The following PCDHA4 variants were observed in gnomAD, a reference collection of about 807,000 sequenced individuals.
PCDHA4 encodes the protein protocadherin alpha-4.
PCDHA4 carries 49 observed loss-of-function variants against 61.4 expected under a neutral mutation model. That is an observed-to-expected ratio of 0.80 (90% CI 0.63 to 1.01). The LOEUF is 1.01. PCDHA4 is among the 50% of genes least tolerant of loss of function. PCDHA4 has a pLI of 0.00. For missense variants in PCDHA4, 1,254 were observed against 1,235.8 expected (o/e 1.01, Z -0.22); for synonymous variants, 590 against 550.3 (o/e 1.07, Z -1.01).
rs377697994 is a variant in PCDHA4, at chr5:140,808,073, G to A, written c.886G>A (p.Asp296Asn). Reference protein sequence around the residue: ...SPNVKSKFHIDPITGQIIVKG... With the variant: ...SPNVKSKFHINPITGQIIVKG... ...AAATGTGAAATCCAAGTTTCACATA[G>A]ATCCAATTACTGGACAAATTATTGT... Residue 296 changes from aspartate (D) to asparagine (N), a missense_variant, in exon 1 of 4, where the codon GAT becomes AAT. Coordinates refer to ENST00000530339, the MANE Select transcript of PCDHA4 (RefSeq NM_018907.4). The A allele has an allele frequency of 5.0e-6, 8 of 1,613,782 alleles. No individual in the cohort carries two copies. The African/African-American group carries it at 1.1e-4, about 22-fold the overall frequency.
At chr5:140,968,124 G>T (rs202202452) in intron 1 of PCDHA4, 1 of 1,614,126 alleles carries the variant, frequency 6.2e-7, no homozygotes, top group Non-Finnish European at 8.5e-7. Flanking sequence ...ACATCCCTGC[G>T]TACACTGAAG....
At chr5:140,938,190 C>T (rs2091964057) in intron 1 of PCDHA4, among the ~76,000 whole-genome samples, 1 of 152,212 alleles carries the variant, frequency 6.6e-6, no homozygotes. Flanking sequence ...AAGCAATCCT[C>T]CCACGCCAGC....
chr5:140,923,527 C>T (rs2081405445), intron 1 of PCDHA4, among the ~76,000 whole-genome samples: 1 of 151,652 alleles, frequency 6.6e-6, no homozygotes, highest in South Asian at 2.1e-4. Context: ...AGATTCTGTC[C>T]CAAAAAAAGG....
At chr5:140,823,014 C>T (rs1767511912) in intron 1 of PCDHA4, 13 of 1,614,242 alleles carry the variant, frequency 8.1e-6, no homozygotes, top group Non-Finnish European at 1.1e-5. Context: ...GCGCCCTGGA[C>T]CGCGAGAGCG....
At chr5:140,976,011 C>A (rs983997714) in intron 1 of PCDHA4, among the ~76,000 whole-genome samples, 10 of 152,230 alleles carry the variant, frequency 6.6e-5, no homozygotes, top group Admixed American at 1.3e-4. Flanking sequence ...TATTAAAGAA[C>A]TAAATAATCA....
At chr5:140,838,073 ATATAGTGTGT>A (rs1415475897) in intron 1 of PCDHA4, among the ~76,000 whole-genome samples, 44 of 126,826 alleles carry the variant, frequency 3.5e-4, no homozygotes, top group Admixed American at 1.0e-3. Context: ...AGTTATATAT[ATATAGTGTGT>A]GTGTGTGTGT....
intron 2 of PCDHA4, among the ~76,000 whole-genome samples, chr5:140,980,460 T>G (rs1554241839): frequency 6.6e-6 from 1 of 152,134 alleles, no homozygotes; most frequent in Non-Finnish European, 1.5e-5. Flanking sequence ...TGAAACCCTG[T>G]CTCTACTAAA....
chr5:140,960,848 A>G (rs2095575135), intron 1 of PCDHA4, among the ~76,000 whole-genome samples: 1 of 152,212 alleles, frequency 6.6e-6, no homozygotes, highest in Non-Finnish European at 1.5e-5. Context: ...GTTTAATGGC[A>G]ACTATAAGCC....
chr5:140,843,565 G>T, intron 1 of PCDHA4: 1 of 1,595,918 alleles, frequency 6.3e-7, no homozygotes, highest in South Asian at 1.1e-5. Flanking sequence ...TGGGGAGCTG[G>T]TCATACTCGC....
chr5:140,928,258 G>A lies in PCDHA4; in HGVS notation c.2386-50691G>A, dbSNP rs782503341. 15 of 1,614,094 alleles carry A rather than the reference G, an allele frequency of 9.3e-6. No individual in the cohort carries two copies. The Admixed American group carries it at 2.0e-4, about 22-fold the overall frequency. On this transcript the variant is annotated intron_variant, in intron 1 of 3. Transcript: ENST00000530339. The stretch of plus-strand genomic sequence containing the variant: ...ACCCCAGCAGGAACTTTTCGTTGCT[G>A]AAAACAATGGCCCTGGGGCCTCTCT...
intron 1 of PCDHA4, among the ~76,000 whole-genome samples, chr5:140,937,400 T>A (rs1210509586): frequency 6.6e-6 from 1 of 152,224 alleles, no homozygotes; most frequent in Non-Finnish European, 1.5e-5. Flanking sequence ...ATAGGGGTAT[T>A]GCACAACTTT....
At chr5:140,829,402 C>T in intron 1 of PCDHA4, 1 of 1,614,150 alleles carries the variant, frequency 6.2e-7, no homozygotes, top group Non-Finnish European at 8.5e-7. Flanking sequence ...CGCTGTGGGC[C>T]ACCGCCAGCT....
chr5:140,965,259 A>G (rs1257686866), intron 1 of PCDHA4, among the ~76,000 whole-genome samples: 1 of 152,218 alleles, frequency 6.6e-6, no homozygotes, highest in African/African-American at 2.4e-5. Context: ...AGAACTGAGC[A>G]GCAGAGGCAA....
rs2150115372 is a variant in PCDHA4, at chr5:140,822,309, C to G, written c.2385+12737C>G. 2.5e-6 allele frequency: 4 copies of G among 1,614,044 alleles called. No individual in the cohort carries two copies. The African/African-American group carries it at 5.3e-5, about 22-fold the overall frequency. On this transcript the variant is annotated intron_variant, in intron 1 of 3. Transcript: ENST00000530339. ...GGTTAAATCCAAACGAATATTTTGA[C>G]TTAGATGTTAAAACAAATGAAGAAG...
At chr5:140,856,405 C>A in intron 1 of PCDHA4, 1 of 1,598,432 alleles carries the variant, frequency 6.3e-7, no homozygotes, top group Non-Finnish European at 8.6e-7. Flanking sequence ...TCCATGTGGA[C>A]GTGGAAGTGA....
intron 1 of PCDHA4, among the ~76,000 whole-genome samples, chr5:140,952,641 G>T (rs1033672347): frequency 1.3e-5 from 2 of 152,102 alleles, no homozygotes; most frequent in Non-Finnish European, 2.9e-5. Flanking sequence ...TCCAACCTGT[G>T]CCTGGTTACC....
chr5:140,869,125 G>T (rs371936789), intron 1 of PCDHA4: 4 of 1,611,550 alleles, frequency 2.5e-6, no homozygotes, highest in East Asian at 4.5e-5. Context: ...TCAGAGAAGG[G>T]GATTGGGCAC....
At chr5:140,980,897 A>G (rs2096910436) in intron 2 of PCDHA4, among the ~76,000 whole-genome samples, 1 of 152,186 alleles carries the variant, frequency 6.6e-6, no homozygotes, top group African/African-American at 2.4e-5. Context: ...AGTCTTGGAC[A>G]TCATGTAACT....
At position 140,857,221 on chromosome 5, in the gene PCDHA4, C is replaced by G. The variant is rs146953582; in HGVS notation, c.2385+47649C>G. On this transcript the variant is annotated intron_variant, in intron 1 of 3. Transcript: ENST00000530339. ...AGGTCACCTGCTCTCTGACGCCTCA[C>G]GTTCCGTTCAAGCTGGTGTCCACCT... is the stretch of plus-strand genomic sequence containing the variant. 4.4e-4 allele frequency: 711 copies of G among 1,598,474 alleles called. 36 individuals carry two copies. In the African/African-American group the frequency reaches 9.1e-3, roughly 20 times the overall value.
Sources: gnomAD v4.1 joint callset for allele counts (sites outside exome capture counted in the v4.1 genomes callset) on GRCh38, gnomAD v4.1.1 for gene constraint, MANE v1.5 for transcripts, NCBI Gene and HGNC (gene_info 2026-07-23, HGNC 2026-07-21) for gene names.